The following MEPE variants were observed in gnomAD, a reference collection of about 807,000 sequenced individuals.
MEPE encodes matrix, extracellular phosphoglycoprotein with ASARM motif (bone).
MEPE carries 7 observed loss-of-function variants against 7.3 expected under a neutral mutation model. That is an observed-to-expected ratio of 0.95 (90% CI 0.54 to 1.79). The LOEUF is 1.79. Among genes scored for constraint, MEPE ranks in the 40% most tolerant of loss-of-function variants. The pLI is 0.00. For missense variants in MEPE, 623 were observed against 628.2 expected, an observed-to-expected ratio of 0.99 and a Z score of 0.09; for synonymous variants, 214 against 213.1, an observed-to-expected ratio of 1.00 and a Z score of -0.04.
At chr4:87,826,531 G>A (rs1410676199) in intron 1 of MEPE, among the ~76,000 whole-genome samples, 66 of 152,048 alleles carry the variant, frequency 4.3e-4, no homozygotes, top group Non-Finnish European at 8.8e-5. Flanking sequence ...TGGGTCAAGT[G>A]GTATTTCTGC....
chr4:87,828,661 C>T (rs547626862), upstream of MEPE, among the ~76,000 whole-genome samples: 1 of 152,238 alleles, frequency 6.6e-6, no homozygotes, highest in African/African-American at 2.4e-5. Context: ...AGTTAGCTAG[C>T]ATTTTATATG....
chr4:87,836,455 C>G (rs1190719085), intron 2 of MEPE, among the ~76,000 whole-genome samples: 6 of 151,762 alleles, frequency 4.0e-5, no homozygotes, highest in Admixed American at 2.0e-4. Flanking sequence ...TCCCTGACAC[C>G]CCATACTATC....
chr4:87,844,956 A>G (rs761191050), intron 3 of MEPE, 21 bp from the exon 4 acceptor site: 1 of 1,490,220 alleles, frequency 6.7e-7, no homozygotes, highest in Non-Finnish European at 9.0e-7. Flanking sequence ...TAATCACTTC[A>G]TATTGAAAAT....
Position 87,845,629 on chromosome 4 carries a change from C to T in MEPE, c.761C>T (p.Pro254Leu). The T allele has an allele frequency of 6.2e-7, 1 of 1,613,886 alleles. No individual in the cohort carries two copies. The change falls in exon 4 of 4, where the codon CCT becomes CTT. Residue 254 changes from proline to leucine, a missense_variant. Coordinates refer to ENST00000361056, the MANE Select transcript of MEPE (RefSeq NM_020203.6). ...LQERGDNDIS[P>L]FSGDGQPFKD... ...GAGAGAGGGGACAATGATATATCTC[C>T]TTTCAGTGGGGACGGCCAACCTTTT... is the stretch of plus-strand genomic sequence containing the variant.
chr4:87,834,097 G>A (rs1016774957), intron 1 of MEPE, among the ~76,000 whole-genome samples: 2 of 152,186 alleles, frequency 1.3e-5, no homozygotes, highest in African/African-American at 2.4e-5. Flanking sequence ...ATAATTGAAT[G>A]CATGCAAAAT....
At chr4:87,825,812 C>T (rs1330078080) in intron 1 of MEPE, among the ~76,000 whole-genome samples, 3 of 152,172 alleles carry the variant, frequency 2.0e-5, no homozygotes, top group Admixed American at 2.0e-4. Flanking sequence ...AGGTATCAAG[C>T]CCAGCATGCA....
In MEPE at chr4:87,845,380, A is replaced by G; in HGVS notation, c.512A>G (p.Asn171Ser). The G allele has an allele frequency of 6.2e-7, 1 of 1,614,006 alleles. No individual in the cohort carries two copies. The highest frequency in any genetic ancestry group is 8.5e-7 in the Non-Finnish European group (1 of 1,179,948). Reference protein sequence around the residue: ...IKLLGEENKENTPRNVLNIIP... With the variant: ...IKLLGEENKESTPRNVLNIIP... Reference sequence around the variant, plus strand: ...CTCCTGGGGGAAGAAAACAAAGAGAACACACCTAGGAATGTTCTAAACATA... The same window carrying G: ...CTCCTGGGGGAAGAAAACAAAGAGAGCACACCTAGGAATGTTCTAAACATA... The change falls in exon 4 of 4, where the codon AAC becomes AGC. Residue 171 changes from asparagine to serine, a missense_variant. Coordinates refer to ENST00000361056, the MANE Select transcript of MEPE (RefSeq NM_020203.6).
In MEPE at chr4:87,846,603, A is replaced by C. The variant is rs370126410; in HGVS notation, c.*157A>C. 1 of 728,064 alleles carries C rather than the reference A, an allele frequency of 1.4e-6. No homozygotes were observed. Among genetic ancestry groups the C allele is most frequent in the African/African-American group, 1.8e-5 (1 of 56,796 alleles). The allele number at this position is 728,064 out of a possible 1,614,324, so 45.1% of individuals were successfully genotyped here. A position where few individuals can be genotyped will look rare whatever the true frequency, so the allele number is the denominator to read the frequency against. ...TGGTCTCCTTGGGGGAATTTTTGCT[A>C]TCTTAATAGTCACAGTATAAAATTC... On this transcript the variant is annotated 3_prime_UTR_variant, in exon 4 of 4. Transcript: ENST00000361056.
chr4:87,843,805 C>T (rs146407008), intron 3 of MEPE, among the ~76,000 whole-genome samples: 1,985 of 152,260 alleles, frequency 0.013, 29 homozygotes, highest in Non-Finnish European at 0.018. Context: ...ATATGGCATC[C>T]AGGTGTGGCT....
intron 1 of MEPE, among the ~76,000 whole-genome samples, chr4:87,825,464 C>T (rs1433591457): frequency 1.3e-5 from 2 of 152,160 alleles, no homozygotes; most frequent in Admixed American, 1.3e-4. Context: ...ACGTTATCTC[C>T]CATTCCTCAA....
rs774334422 is a variant in MEPE, at chr4:87,846,341, C to T, written c.1473C>T (p.Ser491=). The change falls in exon 4 of 4, where the codon TCC becomes TCT. Residue 491 remains serine, a synonymous_variant. Transcript: ENST00000361056. ...AGGGTATGCCACAAGGGAAAGGCTC[C>T]TGGGGTAGACAACCCCATTCCAACA... The part of the protein sequence containing the change: ...RNKGMPQGKG[S]WGRQPHSNRR... The T allele has an allele frequency of 6.2e-7, 1 of 1,614,070 alleles. No individual in the cohort carries two copies. Among genetic ancestry groups the T allele is most frequent in the Non-Finnish European group, 8.5e-7 (1 of 1,179,966 alleles).
chr4:87,821,511 A>G (rs1002661000), intron 1 of MEPE: 2 of 152,196 alleles, frequency 1.3e-5, no homozygotes, highest in Non-Finnish European at 2.9e-5. Context: ...AACCAATAGC[A>G]AAGTAAGACC....
chr4:87,827,367 GATAAA>G (rs1272749500), intron 1 of MEPE, among the ~76,000 whole-genome samples: 7 of 152,136 alleles, frequency 4.6e-5, no homozygotes, highest in Non-Finnish European at 8.8e-5. Context: ...TGAAAAAAGA[GATAAA>G]ATAAAATGAT....
chr4:87,822,533 T>G (rs139320102), intron 1 of MEPE, among the ~76,000 whole-genome samples: 2 of 152,254 alleles, frequency 1.3e-5, no homozygotes, highest in East Asian at 3.9e-4. Flanking sequence ...GTCAGACATT[T>G]TATTACATAC....
chr4:87,822,971 T>C (rs1722372828), intron 1 of MEPE, among the ~76,000 whole-genome samples: 3 of 152,222 alleles, frequency 2.0e-5, no homozygotes, highest in South Asian at 2.1e-4. Context: ...TATGGAGTTG[T>C]GCAAGGTTGT....
chr4:87,846,752 G>T lies in MEPE; in HGVS notation c.*306G>T. ...GTCACAAATGCCTTCTATGTTGTTT[G>T]CTCTGTAGACATGAAAATAAACAAT... On this transcript the variant is annotated 3_prime_UTR_variant, in exon 4 of 4. Coordinates refer to ENST00000361056, the MANE Select transcript of MEPE (RefSeq NM_020203.6). 3.6e-6 allele frequency: 1 copy of T among 279,296 alleles called. No individual in the cohort carries two copies. The highest frequency in any genetic ancestry group is 6.7e-6 in the Non-Finnish European group (1 of 149,764). The allele number at this position is 279,296 out of a possible 1,614,324, so 17.3% of individuals were successfully genotyped here.
intron 1 of MEPE, among the ~76,000 whole-genome samples, chr4:87,823,600 A>G (rs1264092394): frequency 6.6e-6 from 1 of 152,182 alleles, no homozygotes; most frequent in African/African-American, 2.4e-5. Context: ...GGGCTTCAAG[A>G]GTCTATTTCA....
At chr4:87,831,719 C>T, upstream of MEPE, among the ~76,000 whole-genome samples, 1 of 152,136 alleles carries the variant, frequency 6.6e-6, no homozygotes. Flanking sequence ...TACCATCTGC[C>T]ATCTAATACC....
chr4:87,833,271 A>G (rs1002798269), intron 1 of MEPE, among the ~76,000 whole-genome samples: 2 of 152,174 alleles, frequency 1.3e-5, no homozygotes, highest in African/African-American at 2.4e-5. Flanking sequence ...GATCCACAGT[A>G]ACTCAGACTT....
Sources: allele counts gnomAD v4.1 joint callset (sites outside exome capture counted in the v4.1 genomes callset), GRCh38; gene constraint gnomAD v4.1.1; transcripts MANE v1.5; gene names NCBI Gene and HGNC (gene_info 2026-07-23, HGNC 2026-07-21).